Variants in AUTS2 observed in about 807,000 individuals in gnomAD.
The protein encoded by AUTS2 is activator of transcription and developmental regulator AUTS2.
In AUTS2, 17 loss-of-function variants were observed where a neutral mutation model predicts 112.4. The observed-to-expected ratio is 0.15, with a 90% CI of 0.10 to 0.23. The LOEUF (loss-of-function observed/expected upper bound fraction) is 0.23, where lower values mean the gene tolerates loss of function less well. AUTS2 is among the 10% of genes least tolerant of loss of function. The probability of loss-of-function intolerance (pLI) is 1.00; values close to 1 mark genes in which losing one functional copy is unlikely to be tolerated. For missense variants in AUTS2, 1,510 were observed against 1,701.6 expected, an observed-to-expected ratio of 0.89 and a Z score of 1.98; for synonymous variants, 751 against 702.7, an observed-to-expected ratio of 1.07 and a Z score of -1.09.
intron 1 of AUTS2, among the ~76,000 whole-genome samples, chr7:69,783,084 T>C (rs1186845443): frequency 2.2e-5 from 3 of 138,016 alleles, no homozygotes; most frequent in Non-Finnish European, 4.6e-5. Context: ...AGGGTGCTGC[T>C]CATCTTTTTT....
chr7:70,666,470 G>A (rs1394350445), intron 5 of AUTS2, among the ~76,000 whole-genome samples: 1 of 152,168 alleles, frequency 6.6e-6, no homozygotes, highest in African/African-American at 2.4e-5. Context: ...TTCCACGACT[G>A]GAAGAAGGCG....
chr7:70,335,063 T>TCAACA (rs1790926809), intron 4 of AUTS2, among the ~76,000 whole-genome samples: 2 of 152,194 alleles, frequency 1.3e-5, no homozygotes, highest in Admixed American at 6.5e-5. Context: ...TGAGGTTTCC[T>TCAACA]GTTGAGGCGT....
chr7:70,129,957 C>T (rs930717564), intron 3 of AUTS2, among the ~76,000 whole-genome samples: 1 of 151,376 alleles, frequency 6.6e-6, no homozygotes, highest in Non-Finnish European at 1.5e-5. Flanking sequence ...AATCTTATCT[C>T]CAAGGTACGT....
intron 14 of AUTS2, among the ~76,000 whole-genome samples, chr7:70,778,701 G>A (rs58693237): frequency 6.6e-6 from 1 of 152,166 alleles, no homozygotes; most frequent in African/African-American, 2.4e-5. Context: ...CATGCCATCA[G>A]TGAGTTTGGC....
chr7:70,026,083 A>G (rs898186484), intron 2 of AUTS2, among the ~76,000 whole-genome samples: 1 of 152,124 alleles, frequency 6.6e-6, no homozygotes, highest in African/African-American at 2.4e-5. Context: ...CAGCCTTCAC[A>G]GGGATTAGTC....
intron 12 of AUTS2, 115 bp downstream of exon 12, chr7:70,774,214 G>GCTGTT (rs1337279963): frequency 2.1e-6 from 2 of 948,326 alleles, no homozygotes; most frequent in African/African-American, 3.2e-5. Context: ...TGCTGTTTCA[G>GCTGTT]CTGTTCTTCT....
intron 14 of AUTS2, among the ~76,000 whole-genome samples, chr7:70,780,492 C>T (rs2049633): frequency 0.66 from 100,053 of 151,514 alleles, 33,487 homozygotes; most frequent in Middle Eastern, 0.8. Flanking sequence ...TCTCGTGCCT[C>T]AGCCTCCCCA....
rs141278123 is a variant in AUTS2 at position 69,899,443 on chromosome 7, G to T, written c.467G>T (p.Arg156Leu). The change falls in exon 2 of 19, where the codon CGC becomes CTC. Residue 156 changes from arginine to leucine, a missense_variant. Around this residue, in one of 3 missense-constraint regions of AUTS2, gnomAD observed 535 missense variants for 594.3 expected, o/e 0.90. Transcript: ENST00000342771. ...HHYSSDREND[R>L]NLCQHLGKRK... ...TACAGCTCAGATCGAGAAAATGACCGCAATCTCTGCCAGCACCTTGGGAAG... is the reference window on the plus strand; with the variant it reads ...TACAGCTCAGATCGAGAAAATGACCTCAATCTCTGCCAGCACCTTGGGAAG... 3 of 1,613,802 alleles carry T rather than the reference G, an allele frequency of 1.9e-6. No homozygotes were observed. Among genetic ancestry groups the T allele is most frequent in the East Asian group, 2.2e-5 (1 of 44,894 alleles).
intron 5 of AUTS2, among the ~76,000 whole-genome samples, chr7:70,506,502 T>C (rs1798967393): frequency 1.3e-5 from 2 of 152,216 alleles, no homozygotes; most frequent in Non-Finnish European, 2.9e-5. Flanking sequence ...ATCTGCCTAT[T>C]ACTGCCTCTC....
chr7:69,921,166 A>C (rs1188895158), intron 2 of AUTS2, among the ~76,000 whole-genome samples: 1 of 152,130 alleles, frequency 6.6e-6, no homozygotes, highest in Non-Finnish European at 1.5e-5. Flanking sequence ...ATCAAAATAA[A>C]TGCCTATGTG....
At chr7:70,649,792 G>T (rs1051990150) in intron 5 of AUTS2, among the ~76,000 whole-genome samples, 2 of 152,136 alleles carry the variant, frequency 1.3e-5, no homozygotes, top group African/African-American at 2.4e-5. Context: ...TGTCCAAAGT[G>T]CTGGGATTAT....
At chr7:69,827,630 A>G (rs778900847) in intron 1 of AUTS2, among the ~76,000 whole-genome samples, 1 of 152,200 alleles carries the variant, frequency 6.6e-6, no homozygotes, top group Non-Finnish European at 1.5e-5. Flanking sequence ...CACTCCTTCC[A>G]TTTAAGGGGA....
intron 5 of AUTS2, among the ~76,000 whole-genome samples, chr7:70,518,682 CAAA>C (rs748207444): frequency 3.6e-5 from 4 of 109,622 alleles, no homozygotes; most frequent in Middle Eastern, 5.2e-3. Flanking sequence ...GACTCCGTCT[CAAA>C]AAAAAAAAAA....
intron 1 of AUTS2, among the ~76,000 whole-genome samples, chr7:69,807,003 T>C (rs777168148): frequency 5.9e-5 from 9 of 152,182 alleles, no homozygotes; most frequent in Admixed American, 5.2e-4. Context: ...ATTTTAAACG[T>C]GTAGCAAGTG....
chr7:69,924,272 C>T (rs983684715), intron 2 of AUTS2, among the ~76,000 whole-genome samples: 3 of 151,794 alleles, frequency 2.0e-5, no homozygotes, highest in African/African-American at 7.3e-5. Context: ...AAATGCTTTC[C>T]TTGGTAAACT....
chr7:69,605,532 C>T (rs1016066104), intron 1 of AUTS2, among the ~76,000 whole-genome samples: 3 of 152,152 alleles, frequency 2.0e-5, no homozygotes, highest in African/African-American at 7.2e-5. Context: ...TTTGTCCCTT[C>T]TGGTTTCATA....
intron 4 of AUTS2, among the ~76,000 whole-genome samples, chr7:70,240,943 A>G (rs902360669): frequency 2.6e-5 from 4 of 152,194 alleles, no homozygotes; most frequent in Admixed American, 2.6e-4. Flanking sequence ...GAATAACAAC[A>G]GTAAGGTGGT....
At chr7:69,889,772 C>A (rs566633146) in intron 1 of AUTS2, among the ~76,000 whole-genome samples, 8 of 152,130 alleles carry the variant, frequency 5.3e-5, no homozygotes, top group Non-Finnish European at 8.8e-5. Flanking sequence ...AAAAAGCAAT[C>A]GAAATTTGAG....
intron 2 of AUTS2, among the ~76,000 whole-genome samples, chr7:69,984,525 G>C (rs1798426941): frequency 6.6e-6 from 1 of 151,826 alleles, no homozygotes; most frequent in South Asian, 2.1e-4. Flanking sequence ...TAGGACCAGT[G>C]AGCATGCATT....
Sources: gnomAD v4.1 joint callset for allele counts (sites outside exome capture counted in the v4.1 genomes callset) on GRCh38, gnomAD v4.1.1 for gene constraint, gnomAD v4.1.1 regional missense constraint, MANE v1.5 for transcripts, NCBI Gene and HGNC (gene_info 2026-07-23, HGNC 2026-07-21) for gene names.